PPARGC1A: variants seen among roughly 807,000 people sequenced by gnomAD.
PPARGC1A encodes the protein PPARG coactivator 1 alpha, also known as peroxisome proliferator-activated receptor gamma coactivator 1-alpha.
A neutral mutation model predicts 88.7 loss-of-function variants in PPARGC1A; 25 were observed. The observed-to-expected ratio is 0.28, with a 90% CI of 0.21 to 0.39. The LOEUF is 0.39. Ranked by LOEUF, PPARGC1A falls within the 10% of genes least tolerant of loss-of-function variation. The pLI is 1.00. For missense variants in PPARGC1A, 880 were observed against 968.7 expected (o/e 0.91, Z 1.22); for synonymous variants, 363 against 355.6 (o/e 1.02, Z -0.24).
the PPARGC1A span, among the ~76,000 whole-genome samples, chr4:24,011,910 G>A: frequency 1.3e-5 from 2 of 152,150 alleles, no homozygotes; most frequent in Admixed American, 1.3e-4. Context: ...CAGCAGTTAT[G>A]AGTAATAACA....
At chr4:24,293,564 A>C in the PPARGC1A span, among the ~76,000 whole-genome samples, 2 of 16,388 alleles carry the variant, frequency 1.2e-4, no homozygotes, top group African/African-American at 4.0e-4. Flanking sequence ...CCTTACCCCT[A>C]CCCCTTCCTG....
chr4:24,074,480 A>G, the PPARGC1A span, among the ~76,000 whole-genome samples: 2 of 152,154 alleles, frequency 1.3e-5, no homozygotes, highest in African/African-American at 4.8e-5. Context: ...ATTGAAGTAT[A>G]TAATGGTCAA....
chr4:24,420,593 T>C, the PPARGC1A span, among the ~76,000 whole-genome samples: 1 of 152,076 alleles, frequency 6.6e-6, no homozygotes, highest in Admixed American at 6.6e-5. Flanking sequence ...TAATTTCTGA[T>C]CCATACCTCC....
chr4:24,078,533 T>C, the PPARGC1A span, among the ~76,000 whole-genome samples: 6 of 152,212 alleles, frequency 3.9e-5, no homozygotes, highest in East Asian at 1.2e-3. Flanking sequence ...CAAACTGTTG[T>C]ATGTCTTGGT....
the PPARGC1A span, among the ~76,000 whole-genome samples, chr4:24,288,811 G>A: frequency 3.3e-4 from 51 of 152,304 alleles, no homozygotes; most frequent in African/African-American, 1.2e-3. Flanking sequence ...TGAATAGTAA[G>A]TTCCATTTGA....
At chr4:24,044,263 A>C in the PPARGC1A span, among the ~76,000 whole-genome samples, 5 of 152,200 alleles carry the variant, frequency 3.3e-5, no homozygotes, top group East Asian at 9.6e-4. Flanking sequence ...AAAGCAAATG[A>C]GACGCCACTT....
At chr4:24,018,421 T>C in the PPARGC1A span, among the ~76,000 whole-genome samples, 2 of 152,182 alleles carry the variant, frequency 1.3e-5, no homozygotes. Flanking sequence ...ATAGCCATTT[T>C]AGAAGTTTTA....
chr4:24,396,915 A>G, the PPARGC1A span, among the ~76,000 whole-genome samples: 2 of 152,190 alleles, frequency 1.3e-5, no homozygotes, highest in African/African-American at 2.4e-5. Context: ...ATCACTCTCC[A>G]GTTACAAAAT....
the PPARGC1A span, among the ~76,000 whole-genome samples, chr4:24,377,457 G>T: frequency 3.8e-4 from 58 of 152,074 alleles, no homozygotes; most frequent in African/African-American, 1.3e-3. Flanking sequence ...CAGCAGAAAG[G>T]CATAAAAGCA....
chr4:24,440,375 A>G, the PPARGC1A span, among the ~76,000 whole-genome samples: 13 of 152,204 alleles, frequency 8.5e-5, no homozygotes, highest in Non-Finnish European at 1.6e-4. Context: ...GGGAAGAGCA[A>G]TACCGACCCC....
the PPARGC1A span, among the ~76,000 whole-genome samples, chr4:24,394,536 G>C: frequency 6.6e-6 from 1 of 152,156 alleles, no homozygotes; most frequent in Non-Finnish European, 1.5e-5. Flanking sequence ...GAGAAGAGAA[G>C]AAAAGCTAAG....
the PPARGC1A span, among the ~76,000 whole-genome samples, chr4:24,040,710 G>A: frequency 6.6e-6 from 1 of 152,208 alleles, no homozygotes; most frequent in Admixed American, 6.5e-5. Context: ...TACAAGTTCT[G>A]TTGAATATAG....
intron 2 of PPARGC1A, among the ~76,000 whole-genome samples, chr4:23,834,294 T>C (rs189187024): frequency 1.3e-4 from 19 of 151,924 alleles, no homozygotes; most frequent in African/African-American, 4.6e-4. Flanking sequence ...AGCGAGACTC[T>C]GTCTCAAAAA....
rs66852812 is a variant in PPARGC1A at position 23,859,780 on chromosome 4, C to CAAAAT, written c.234+24967_234+24971dup. Among the ~76,000 whole-genome samples, 620 of 118,502 alleles carry CAAAAT rather than the reference C, an allele frequency of 5.2e-3. 21 individuals are homozygous for CAAAAT. Among genetic ancestry groups the CAAAAT allele is most frequent in the Non-Finnish European group, 7.3e-3 (417 of 57,458 alleles). The allele number at this position is 118,502 out of a possible 152,430, so 77.7% of individuals were successfully genotyped here. On this transcript the variant is annotated intron_variant, in intron 2 of 12. Coordinates refer to ENST00000264867, the MANE Select transcript of PPARGC1A (RefSeq NM_013261.5). ...TGGGAGAGAGTGCAAGACACCGTCT[C>CAAAAT]AAAATAAAATAAAATAAAATAAAAT...
chr4:24,123,364 G>T, the PPARGC1A span, among the ~76,000 whole-genome samples: 1 of 152,162 alleles, frequency 6.6e-6, no homozygotes, highest in Non-Finnish European at 1.5e-5. Context: ...GCACCTCACA[G>T]CTAATGCTCC....
At chr4:24,095,461 G>T in the PPARGC1A span, among the ~76,000 whole-genome samples, 2 of 152,102 alleles carry the variant, frequency 1.3e-5, no homozygotes, top group South Asian at 4.1e-4. Flanking sequence ...AAACTGAAAT[G>T]AGGTCATTAG....
chr4:24,189,666 C>A, the PPARGC1A span, among the ~76,000 whole-genome samples: 1 of 152,144 alleles, frequency 6.6e-6, no homozygotes, highest in Non-Finnish European at 1.5e-5. Flanking sequence ...CTTGTATTCA[C>A]AATTTGTTCA....
chr4:24,164,744 G>A, the PPARGC1A span, among the ~76,000 whole-genome samples: 1 of 152,118 alleles, frequency 6.6e-6, no homozygotes, highest in Non-Finnish European at 1.5e-5. Context: ...CAGCACATGG[G>A]AAAAGTATGA....
chr4:24,033,716 A>T, the PPARGC1A span, among the ~76,000 whole-genome samples: 1 of 152,192 alleles, frequency 6.6e-6, no homozygotes, highest in African/African-American at 2.4e-5. Context: ...AGAGGGAAAA[A>T]GGGACATGTA....
Sources: gnomAD v4.1 joint callset for allele counts (sites outside exome capture counted in the v4.1 genomes callset) on GRCh38, gnomAD v4.1.1 for gene constraint, MANE v1.5 for transcripts, NCBI Gene and HGNC (gene_info 2026-07-23, HGNC 2026-07-21) for gene names.